The following GPC5 variants were observed in gnomAD, a reference collection of about 807,000 sequenced individuals.
The protein encoded by GPC5 is glypican 5.
A neutral mutation model predicts 53.9 loss-of-function variants in GPC5; 47 were observed. The observed-to-expected ratio is 0.87, with a 90% CI of 0.69 to 1.11. The LOEUF (loss-of-function observed/expected upper bound fraction) is 1.11, where lower values mean the gene tolerates loss of function less well. GPC5 is among the 50% of genes most tolerant of loss of function. GPC5 has a pLI of 0.00. For synonymous variants in GPC5, 286 were observed against 263.3 expected, an observed-to-expected ratio of 1.09 and a Z score of -0.84; for missense variants, 748 against 713.1, an observed-to-expected ratio of 1.05 and a Z score of -0.56.
intron 5 of GPC5, among the ~76,000 whole-genome samples, chr13:91,787,937 TGAAA>T (rs1420308831): frequency 6.6e-6 from 1 of 152,192 alleles, no homozygotes; most frequent in Non-Finnish European, 1.5e-5. Context: ...TATTTATGCA[TGAAA>T]GAAACACTGA....
chr13:92,595,465 G>C (rs570700578), intron 7 of GPC5, among the ~76,000 whole-genome samples: 155 of 152,250 alleles, frequency 1.0e-3, no homozygotes, highest in African/African-American at 3.7e-3. Flanking sequence ...ACCTTCTCTG[G>C]AAGTCAAAAG....
At chr13:92,100,711 T>C (rs2041459490) in intron 6 of GPC5, among the ~76,000 whole-genome samples, 1 of 152,218 alleles carries the variant, frequency 6.6e-6, no homozygotes. Context: ...TCCACTGTCA[T>C]CTTTTTGGAA....
chr13:91,531,839 G>A (rs1485093260), intron 2 of GPC5, among the ~76,000 whole-genome samples: 2 of 152,156 alleles, frequency 1.3e-5, no homozygotes, highest in Non-Finnish European at 2.9e-5. Context: ...TCAACTTGAT[G>A]TTTTCTTGTG....
At chr13:91,709,009 A>AT (rs1566627190) in intron 3 of GPC5, among the ~76,000 whole-genome samples, 1 of 152,198 alleles carries the variant, frequency 6.6e-6, no homozygotes, top group Non-Finnish European at 1.5e-5. Context: ...CTGAAAAACT[A>AT]TTTTTGTTAT....
intron 7 of GPC5, among the ~76,000 whole-genome samples, chr13:92,222,536 A>C (rs1039551611): frequency 5.3e-5 from 8 of 152,192 alleles, no homozygotes; most frequent in Non-Finnish European, 1.2e-4. Context: ...AAGTTCGCAC[A>C]GACACAAAAC....
chr13:92,279,825 G>T (rs7331818), intron 7 of GPC5, among the ~76,000 whole-genome samples: 1 of 151,922 alleles, frequency 6.6e-6, no homozygotes, highest in Non-Finnish European at 1.5e-5. Context: ...CAAGTATTTT[G>T]TTGAGCATTT....
chr13:92,537,476 G>A lies in GPC5; in HGVS notation c.1562-328806G>A, dbSNP rs539001667. Among the ~76,000 whole-genome samples, 165 of 152,246 alleles carry A rather than the reference G, an allele frequency of 1.1e-3. 1 individual carries two copies. The highest frequency in any genetic ancestry group is 3.9e-3 in the African/African-American group (162 of 41,544). On this transcript the variant is annotated intron_variant, in intron 7 of 7. Coordinates refer to ENST00000377067, the MANE Select transcript of GPC5 (RefSeq NM_004466.6). Reference sequence around the variant, plus strand: ...ACAGACTATAAATTCCACTGTCAGAGCTAAACATATGCACAGGCTTATCTG... The same window carrying A: ...ACAGACTATAAATTCCACTGTCAGAACTAAACATATGCACAGGCTTATCTG...
At chr13:92,852,350 C>G (rs1878844602) in intron 7 of GPC5, among the ~76,000 whole-genome samples, 1 of 152,044 alleles carries the variant, frequency 6.6e-6, no homozygotes. Flanking sequence ...AGCAAACAAC[C>G]AAAAGGGGAG....
chr13:92,077,695 G>GATCT (rs1566425356), intron 6 of GPC5, among the ~76,000 whole-genome samples: 1 of 152,184 alleles, frequency 6.6e-6, no homozygotes, highest in East Asian at 1.9e-4. Flanking sequence ...CAGAAGGGAT[G>GATCT]ATCTGGCTGA....
At chr13:91,937,424 G>A (rs1594674451) in intron 6 of GPC5, among the ~76,000 whole-genome samples, 1 of 151,988 alleles carries the variant, frequency 6.6e-6, no homozygotes, top group South Asian at 2.1e-4. Context: ...AGTTGGAGGT[G>A]GGAAATTGGG....
intron 3 of GPC5, 37 bp from the exon 4 acceptor site, chr13:91,728,495 G>T (rs202058290): frequency 4.4e-6 from 7 of 1,590,192 alleles, no homozygotes; most frequent in South Asian, 2.3e-5. Flanking sequence ...GGTGGAGTAC[G>T]ATTTCTAACT....
intron 7 of GPC5, among the ~76,000 whole-genome samples, chr13:92,361,090 T>C (rs948964528): frequency 5.3e-5 from 8 of 151,816 alleles, no homozygotes; most frequent in African/African-American, 1.9e-4. Flanking sequence ...AATGCAGCCA[T>C]TGTCGCTGAA....
intron 7 of GPC5, among the ~76,000 whole-genome samples, chr13:92,322,474 T>A (rs1260759818): frequency 6.6e-6 from 1 of 152,188 alleles, no homozygotes; most frequent in Non-Finnish European, 1.5e-5. Flanking sequence ...AAGAAATTAC[T>A]GGAAAATTCT....
intron 4 of GPC5, among the ~76,000 whole-genome samples, chr13:91,733,409 A>G (rs917279314): frequency 6.6e-6 from 1 of 152,194 alleles, no homozygotes; most frequent in Non-Finnish European, 1.5e-5. Flanking sequence ...CAGGGATTAC[A>G]GGCGTCAGCC....
At chr13:91,589,810 G>A (rs1013418825) in intron 2 of GPC5, among the ~76,000 whole-genome samples, 14 of 151,976 alleles carry the variant, frequency 9.2e-5, no homozygotes, top group South Asian at 2.1e-4. Context: ...TAAATAATGC[G>A]TGATTAGACT....
At chr13:92,514,132 C>A (rs945700453) in intron 7 of GPC5, among the ~76,000 whole-genome samples, 1 of 27,038 alleles carries the variant, frequency 3.7e-5, no homozygotes, top group East Asian at 3.5e-3. Flanking sequence ...TTTTGCTAGT[C>A]CCTGCCCCCC....
intron 7 of GPC5, among the ~76,000 whole-genome samples, chr13:92,359,604 A>T (rs137875130): frequency 2.0e-5 from 3 of 151,770 alleles, no homozygotes; most frequent in East Asian, 1.9e-4. Flanking sequence ...AAAAAGCTTT[A>T]TTTGGCTCAT....
intron 7 of GPC5, among the ~76,000 whole-genome samples, chr13:92,799,990 A>T (rs1395916703): frequency 6.6e-6 from 1 of 151,848 alleles, no homozygotes; most frequent in Non-Finnish European, 1.5e-5. Flanking sequence ...CTTACTATCA[A>T]TTCCAGTTTC....
intron 6 of GPC5, among the ~76,000 whole-genome samples, chr13:92,111,460 C>A (rs547574134): frequency 6.6e-6 from 1 of 152,108 alleles, no homozygotes; most frequent in South Asian, 2.1e-4. Context: ...GCAAATGAAA[C>A]AAGATTCTGT....
Sources: gnomAD v4.1 joint callset for allele counts (sites outside exome capture counted in the v4.1 genomes callset) on GRCh38, gnomAD v4.1.1 for gene constraint, MANE v1.5 for transcripts, NCBI Gene and HGNC (gene_info 2026-07-23, HGNC 2026-07-21) for gene names.